The following AQR variants were observed in gnomAD, a reference collection of about 807,000 sequenced individuals.
The protein encoded by AQR is aquarius intron-binding spliceosomal factor.
In AQR, 61 loss-of-function variants were observed where a neutral mutation model predicts 180.5. The observed-to-expected ratio is 0.34, with a 90% CI of 0.28 to 0.42. The LOEUF (loss-of-function observed/expected upper bound fraction) is 0.42. Among genes scored for constraint, AQR ranks in the 10% least tolerant of loss-of-function variants. The probability of loss-of-function intolerance (pLI) is 1.00; values close to 1 mark genes in which losing one functional copy is unlikely to be tolerated. For synonymous variants in AQR, 551 were observed against 588.8 expected (o/e 0.94, Z 0.93); for missense variants, 1,281 against 1,798.3 (o/e 0.71, Z 5.20).
intron 31 of AQR, chr15:34,870,094 G>C (rs746189049): frequency 9.2e-5 from 14 of 151,970 alleles, no homozygotes; most frequent in Non-Finnish European, 1.8e-4. Context: ...CATAACAAAA[G>C]GCCCTCTTTT....
intron 6 of AQR, among the ~76,000 whole-genome samples, chr15:34,942,486 T>C (rs1314459652): frequency 1.3e-5 from 2 of 152,216 alleles, no homozygotes; most frequent in Non-Finnish European, 2.9e-5. Context: ...CTATTTTTTT[T>C]GGCACGCTTG....
intron 22 of AQR, among the ~76,000 whole-genome samples, chr15:34,895,953 C>A (rs1368743444): frequency 6.6e-6 from 1 of 151,920 alleles, no homozygotes; most frequent in Admixed American, 6.5e-5. Flanking sequence ...ATATGCTGGG[C>A]CATAAAACAA....
intron 5 of AQR, among the ~76,000 whole-genome samples, chr15:34,946,948 C>T (rs1308157198): frequency 1.3e-5 from 2 of 150,102 alleles, no homozygotes; most frequent in East Asian, 2.1e-4. Flanking sequence ...CGCCTCTGCC[C>T]GGCCGCGCCT....
At chr15:34,882,690 C>T (rs901314531) in intron 26 of AQR, 51 bp from the exon 27 acceptor site, 3 of 1,538,462 alleles carry the variant, frequency 1.9e-6, no homozygotes, top group Non-Finnish European at 1.8e-6. Flanking sequence ...CGGAGTTTTG[C>T]ACATAACCAT....
intron 24 of AQR, among the ~76,000 whole-genome samples, chr15:34,887,959 C>A (rs1307571121): frequency 6.6e-6 from 1 of 152,140 alleles, no homozygotes; most frequent in Non-Finnish European, 1.5e-5. Context: ...TGCTTACAGA[C>A]TCTGTTAATA....
intron 12 of AQR, 144 bp downstream of exon 12, chr15:34,930,114 C>A (rs1207782452): frequency 6.3e-5 from 31 of 489,544 alleles, no homozygotes; most frequent in Non-Finnish European, 1.0e-4. Flanking sequence ...TTCAAGAATT[C>A]ATTGGAAAAA....
intron 13 of AQR, among the ~76,000 whole-genome samples, chr15:34,925,323 A>C (rs555600995): frequency 7.2e-5 from 11 of 152,324 alleles, no homozygotes; most frequent in Admixed American, 6.5e-4. Context: ...AATAGAAAAA[A>C]TTAAAATCCA....
intron 3 of AQR, 98 bp from the exon 4 acceptor site, chr15:34,953,018 T>G: frequency 1.5e-6 from 1 of 668,386 alleles, no homozygotes; most frequent in Non-Finnish European, 2.5e-6. Flanking sequence ...GTTTCCATAT[T>G]AACCCATCTA....
chr15:34,909,803 T>C (rs758977284), intron 17 of AQR, among the ~76,000 whole-genome samples: 25 of 152,216 alleles, frequency 1.6e-4, no homozygotes, highest in Non-Finnish European at 8.8e-5. Context: ...TTTATATTGA[T>C]GCCAGAAATC....
Position 34,918,246 on chromosome 15 carries a change from T to C in AQR, c.1342+12A>G, listed in dbSNP as rs1471036439. 3.1e-6 allele frequency: 5 copies of C among 1,610,658 alleles called. No homozygotes were observed. Among genetic ancestry groups the C allele is most frequent in the Admixed American group, 1.7e-5 (1 of 59,498 alleles). ...TTCATTGTACAGCTGAATCCATACT[T>C]CTTTACCATACCTTCTCCAGAATAG... On this transcript the variant is annotated intron_variant, in intron 15 of 34. Coordinates refer to ENST00000156471, the MANE Select transcript of AQR (RefSeq NM_014691.3).
chr15:34,947,512 A>AT (rs1407150325), intron 5 of AQR, among the ~76,000 whole-genome samples: 52 of 145,610 alleles, frequency 3.6e-4, no homozygotes, highest in East Asian at 1.2e-3. Flanking sequence ...ATCAATAAAA[A>AT]AAATAATAAT....
intron 29 of AQR, 61 bp from the exon 30 acceptor site, chr15:34,874,060 T>C: frequency 6.9e-7 from 1 of 1,449,200 alleles, no homozygotes; most frequent in Non-Finnish European, 9.2e-7. Flanking sequence ...TCTCTTTTAA[T>C]ATACATAAGG....
intron 25 of AQR, 106 bp downstream of exon 25, chr15:34,886,420 T>A: frequency 8.6e-7 from 1 of 1,167,466 alleles, no homozygotes; most frequent in Non-Finnish European, 1.2e-6. Context: ...CATTCTAATC[T>A]ACTCAAAAAA....
At chr15:34,873,359 T>C (rs1595782525) in intron 30 of AQR, among the ~76,000 whole-genome samples, 1 of 152,176 alleles carries the variant, frequency 6.6e-6, no homozygotes, top group African/African-American at 2.4e-5. Flanking sequence ...AGCATTGTTA[T>C]AGAAGTGAAA....
At chr15:34,891,376 C>T (rs534207123) in intron 23 of AQR, among the ~76,000 whole-genome samples, 12 of 152,234 alleles carry the variant, frequency 7.9e-5, no homozygotes, top group African/African-American at 2.9e-4. Context: ...GAAAAAACTA[C>T]ATGATTTCAT....
chr15:34,911,241 G>A (rs1363562923), intron 16 of AQR, among the ~76,000 whole-genome samples: 2 of 152,154 alleles, frequency 1.3e-5, no homozygotes, highest in Non-Finnish European at 2.9e-5. Context: ...GAATAATGCT[G>A]CAATGAACAC....
At chr15:34,880,725 C>A (rs539755517) in intron 27 of AQR, among the ~76,000 whole-genome samples, 8 of 152,038 alleles carry the variant, frequency 5.3e-5, no homozygotes, top group Admixed American at 6.5e-5. Flanking sequence ...GAAAGGTGCA[C>A]GCACACATGC....
At chr15:34,883,307 A>G (rs921657890) in intron 26 of AQR, among the ~76,000 whole-genome samples, 1 of 152,202 alleles carries the variant, frequency 6.6e-6, no homozygotes, top group African/African-American at 2.4e-5. Context: ...CAGAACATCA[A>G]CCATGGCAGA....
chr15:34,964,650 C>T (rs981456129), intron 1 of AQR, among the ~76,000 whole-genome samples: 1 of 151,836 alleles, frequency 6.6e-6, no homozygotes, highest in Non-Finnish European at 1.5e-5. Context: ...CCCAAGATTA[C>T]AGTTAGTTAA....
Sources: gnomAD v4.1 joint callset for allele counts (sites outside exome capture counted in the v4.1 genomes callset) on GRCh38, gnomAD v4.1.1 for gene constraint, MANE v1.5 for transcripts, NCBI Gene and HGNC (gene_info 2026-07-23, HGNC 2026-07-21) for gene names.